The following ZNF527 variants were observed in gnomAD, a reference collection of about 807,000 sequenced individuals.
ZNF527 encodes zinc finger protein 527.
ZNF527 carries 5 observed loss-of-function variants against 13.5 expected under a neutral mutation model. The ratio of observed to expected loss-of-function variants is 0.37; its 90% CI spans 0.19 to 0.78. The LOEUF is 0.78. Ranked by LOEUF, ZNF527 falls within the 30% of genes least tolerant of loss-of-function variation. The probability of loss-of-function intolerance (pLI) is 0.48; values close to 1 mark genes in which losing one functional copy is unlikely to be tolerated. For missense variants in ZNF527, 628 were observed against 726.4 expected (o/e 0.86, Z 1.56); for synonymous variants, 209 against 243.1 (o/e 0.86, Z 1.30).
chr19:37,379,286 T>C (rs1179012413), intron 3 of ZNF527, 40 bp downstream of exon 3: 2 of 1,542,074 alleles, frequency 1.3e-6, no homozygotes, highest in South Asian at 1.3e-5. Flanking sequence ...AATCTTCCTC[T>C]GGGGTGTTTT....
chr19:37,385,052 C>T, intron 4 of ZNF527: 2 of 632,266 alleles, frequency 3.2e-6, no homozygotes, highest in South Asian at 3.6e-5. Flanking sequence ...TCTAGCACTC[C>T]TGGGCTCAAG....
At chr19:37,380,607 A>G (rs547675196) in intron 4 of ZNF527, among the ~76,000 whole-genome samples, 3 of 152,030 alleles carry the variant, frequency 2.0e-5, no homozygotes, top group African/African-American at 4.8e-5. Context: ...TTTTCCTTTT[A>G]TGGTTAGAAT....
At chr19:37,384,769 ATAT>A in intron 4 of ZNF527, 1 of 529,822 alleles carries the variant, frequency 1.9e-6, no homozygotes, top group East Asian at 2.9e-5. Context: ...TTTACTAGTG[ATAT>A]TATTGAGCAT....
At chr19:37,372,471 T>TCTTTTC (rs1264700817) in intron 1 of ZNF527, among the ~76,000 whole-genome samples, 1 of 131,212 alleles carries the variant, frequency 7.6e-6, no homozygotes, top group African/African-American at 3.0e-5. Flanking sequence ...TCTTTTCTTT[T>TCTTTTC]TTTTTTTTTT....
In ZNF527 at chr19:37,390,060, G is replaced by C; in HGVS notation, c.*181G>C. On this transcript the variant is annotated 3_prime_UTR_variant, in exon 5 of 5. Coordinates refer to ENST00000436120, the MANE Select transcript of ZNF527 (RefSeq NM_032453.2). ...TTTTTTTTTTTTCAGACAGAGTCTC[G>C]CTCTGTTGCCCAGGCTGGAGTGCAG... 5.8e-6 allele frequency: 4 copies of C among 691,806 alleles called. No individual in the cohort carries two copies. The highest frequency in any genetic ancestry group is 8.8e-6 in the Non-Finnish European group (4 of 456,508). The allele number at this position is 691,806 out of a possible 1,614,324, so 42.9% of individuals were successfully genotyped here. A position where few individuals can be genotyped will look rare whatever the true frequency, so the allele number is the denominator to read the frequency against.
chr19:37,379,688 C>T (rs1452436955), intron 3 of ZNF527: 5 of 154,826 alleles, frequency 3.2e-5, no homozygotes, highest in African/African-American at 1.2e-4. Flanking sequence ...GTCTCGAACT[C>T]CTGACCTCAG....
At chr19:37,377,254 G>A (rs2040615836) in intron 2 of ZNF527, among the ~76,000 whole-genome samples, 1 of 152,158 alleles carries the variant, frequency 6.6e-6, no homozygotes, top group South Asian at 2.1e-4. Context: ...TCTTCGTGTG[G>A]GCAAGTGGAC....
intron 4 of ZNF527, among the ~76,000 whole-genome samples, chr19:37,387,595 T>TA (rs1052105995): frequency 1.3e-5 from 2 of 152,196 alleles, no homozygotes; most frequent in Non-Finnish European, 2.9e-5. Flanking sequence ...GATCATCTTC[T>TA]AAAAAATAGT....
rs2040765631 is a variant in ZNF527 at position 37,392,831 on chromosome 19, C to T, written c.*2952C>T. ...AAATCTTTTGTACCCATGTGTTTAG[C>T]TTCAGTGTATTTTACAATCTGATGT... On this transcript the variant is annotated 3_prime_UTR_variant, in exon 5 of 5. Transcript: ENST00000436120. 1 of 152,120 alleles carries T rather than the reference C, an allele frequency of 6.6e-6. No individual in the cohort carries two copies. The allele number at this position is 152,120 out of a possible 1,614,324, so 9.4% of individuals were successfully genotyped here.
intron 2 of ZNF527, 105 bp downstream of exon 2, chr19:37,374,336 T>C: frequency 1.0e-6 from 1 of 1,000,934 alleles, no homozygotes; most frequent in Non-Finnish European, 1.6e-6. Context: ...CCCTTCCACT[T>C]CTCTCTCCAC....
chr19:37,379,060 T>G, intron 2 of ZNF527, 60 bp from the exon 3 acceptor site: 2 of 1,603,488 alleles, frequency 1.2e-6, no homozygotes, highest in Non-Finnish European at 1.7e-6. Flanking sequence ...AAATTCATCT[T>G]TTTTGCTAGG....
rs1037980008 is a variant in ZNF527 at position 37,389,523 on chromosome 19, C to T, written c.1474C>T (p.His492Tyr). Residue 492 changes from histidine to tyrosine, a missense_variant, in exon 5 of 5, where the codon CAC becomes TAC. By Grantham distance (83) the His-to-Tyr change is moderately conservative. Coordinates refer to ENST00000436120, the MANE Select transcript of ZNF527 (RefSeq NM_032453.2). Reference protein sequence around the residue: ...DSQLNRHHRIHTGERPFECSK... With the variant: ...DSQLNRHHRIYTGERPFECSK... ...ACAACTTAATCGACATCATAGAATTCACACTGGAGAGAGACCATTTGAATG... is the reference window on the plus strand; with the variant it reads ...ACAACTTAATCGACATCATAGAATTTACACTGGAGAGAGACCATTTGAATG... 6.2e-7 allele frequency: 1 copy of T among 1,614,194 alleles called. No individual in the cohort carries two copies. Among genetic ancestry groups the T allele is most frequent in the African/African-American group, 1.3e-5 (1 of 75,048 alleles).
In ZNF527 at chr19:37,389,410, G is replaced by T. The variant is rs759632113; in HGVS notation, c.1361G>T (p.Arg454Leu). The T allele has an allele frequency of 6.2e-7, 1 of 1,613,656 alleles. No individual in the cohort carries two copies. ...GAATGTGGGAAGACCTTTGGCTATC[G>T]CTCACACCTGAATCAACATCAGAGA... ...CSECGKTFGY[R>L]SHLNQHQRIH... The change falls in exon 5 of 5, where the codon CGC (arginine) becomes CTC (leucine). Residue 454 changes from arginine (R) to leucine (L), a missense_variant. Coordinates refer to ENST00000436120, the MANE Select transcript of ZNF527 (RefSeq NM_032453.2).
chr19:37,375,322 T>TTCTTTCTTC (rs2040597101), intron 2 of ZNF527, among the ~76,000 whole-genome samples: 1 of 146,384 alleles, frequency 6.8e-6, no homozygotes, highest in Non-Finnish European at 1.5e-5. Context: ...TTTCTTTCTT[T>TTCTTTCTTC]CTTTCTTTCT....
intron 4 of ZNF527, among the ~76,000 whole-genome samples, chr19:37,381,837 A>C (rs888817700): frequency 1.1e-4 from 16 of 151,978 alleles, no homozygotes; most frequent in Non-Finnish European, 2.2e-4. Context: ...TTTCTCCTCC[A>C]TTTACTTATA....
chr19:37,374,375 C>T (rs2040582967), intron 2 of ZNF527, 144 bp downstream of exon 2: 4 of 734,290 alleles, frequency 5.4e-6, no homozygotes, highest in Non-Finnish European at 6.9e-6. Flanking sequence ...TTCTACAAAA[C>T]ATTTAATATC....
chr19:37,376,777 A>G (rs1323643978), intron 2 of ZNF527, among the ~76,000 whole-genome samples: 1 of 151,810 alleles, frequency 6.6e-6, no homozygotes, highest in Admixed American at 6.6e-5. Context: ...ACAGTAGTGT[A>G]GCCAGCAGGC....
chr19:37,384,668 T>C (rs1642669633), intron 4 of ZNF527, among the ~76,000 whole-genome samples: 1 of 152,244 alleles, frequency 6.6e-6, no homozygotes, highest in African/African-American at 2.4e-5. Flanking sequence ...TCTCTTGATA[T>C]TCTTCAACTT....
In ZNF527 at chr19:37,390,084, A is replaced by G; in HGVS notation, c.*205A>G. The G allele has an allele frequency of 5.7e-6, 3 of 529,046 alleles. No individual in the cohort carries two copies. The highest frequency in any genetic ancestry group is 9.2e-6 in the Non-Finnish European group (3 of 327,310). The allele number at this position is 529,046 out of a possible 1,614,324, so 32.8% of individuals were successfully genotyped here. On this transcript the variant is annotated 3_prime_UTR_variant, in exon 5 of 5. Transcript: ENST00000436120. ...CGCTCTGTTGCCCAGGCTGGAGTGCAGTGGTGTAATCTTGGCTCACTGCAG... is the reference window on the plus strand; with the variant it reads ...CGCTCTGTTGCCCAGGCTGGAGTGCGGTGGTGTAATCTTGGCTCACTGCAG...
Sources: gnomAD v4.1 joint callset for allele counts (sites outside exome capture counted in the v4.1 genomes callset) on GRCh38, gnomAD v4.1.1 for gene constraint, MANE v1.5 for transcripts, NCBI Gene and HGNC (gene_info 2026-07-23, HGNC 2026-07-21) for gene names.